GPC5: variants seen among roughly 807,000 people sequenced by gnomAD.
The protein encoded by GPC5 is glypican 5, also known as glypican-5.
A neutral mutation model predicts 53.9 loss-of-function variants in GPC5; 47 were observed. The ratio of observed to expected loss-of-function variants is 0.87; its 90% confidence interval spans 0.69 to 1.11. The LOEUF is 1.11. GPC5 is among the 50% of genes most tolerant of loss of function. The pLI is 0.00. For missense variants in GPC5, 748 were observed against 713.1 expected (o/e 1.05, Z -0.56); for synonymous variants, 286 against 263.3 (o/e 1.09, Z -0.84).
At chr13:91,881,169 CTTTATAT>C (rs2039260324) in intron 5 of GPC5, among the ~76,000 whole-genome samples, 1 of 151,970 alleles carries the variant, frequency 6.6e-6, no homozygotes, top group South Asian at 2.1e-4. Flanking sequence ...TTTATTAACA[CTTTATAT>C]TTTATTCTCT....
At chr13:91,708,557 G>C (rs1321453765) in intron 3 of GPC5, among the ~76,000 whole-genome samples, 1 of 152,130 alleles carries the variant, frequency 6.6e-6, no homozygotes, top group Non-Finnish European at 1.5e-5. Context: ...AAGGCAATAT[G>C]GGTTTTTTTG....
intron 7 of GPC5, among the ~76,000 whole-genome samples, chr13:92,190,227 C>T (rs1430073086): frequency 6.6e-6 from 1 of 152,102 alleles, no homozygotes; most frequent in African/African-American, 2.4e-5. Context: ...GAATTCTCTA[C>T]TCTATGAAAT....
intron 2 of GPC5, among the ~76,000 whole-genome samples, chr13:91,639,856 G>T (rs1475757941): frequency 6.6e-6 from 1 of 152,110 alleles, no homozygotes. Context: ...AGGCTTTATT[G>T]TCTTCATTTT....
At position 91,881,374 on chromosome 13, in the gene GPC5, A is replaced by G. The variant is rs181939565; in HGVS notation, c.1281-26563A>G. Among the ~76,000 whole-genome samples the G allele has an allele frequency of 7.2e-5, 11 of 152,178 alleles. No individual in the cohort carries two copies. The East Asian group carries it at 1.9e-3, about 27-fold the overall frequency. ...ATACTCTCTTGATATATTACCCATT[A>G]CATTAATTATTAATATACACCCAAG... On this transcript the variant is annotated intron_variant, in intron 5 of 7. Transcript: ENST00000377067.
chr13:91,869,264 T>C (rs1467142876), intron 5 of GPC5, among the ~76,000 whole-genome samples: 1 of 152,084 alleles, frequency 6.6e-6, no homozygotes, highest in African/African-American at 2.4e-5. Flanking sequence ...TTTCACCATG[T>C]TGGCCAGGCT....
chr13:92,582,011 C>T (rs952506767), intron 7 of GPC5, among the ~76,000 whole-genome samples: 1 of 152,112 alleles, frequency 6.6e-6, no homozygotes, highest in East Asian at 1.9e-4. Context: ...TGTCTCTTCA[C>T]TCTGTTGACT....
At chr13:92,152,181 G>C (rs1377979976) in intron 7 of GPC5, among the ~76,000 whole-genome samples, 1 of 152,204 alleles carries the variant, frequency 6.6e-6, no homozygotes, top group African/African-American at 2.4e-5. Flanking sequence ...GCTGGGCAAA[G>C]AGGAATGATT....
At chr13:92,369,643 T>G (rs2043634472) in intron 7 of GPC5, among the ~76,000 whole-genome samples, 1 of 152,224 alleles carries the variant, frequency 6.6e-6, no homozygotes, top group Non-Finnish European at 1.5e-5. Flanking sequence ...TATTGCTTGA[T>G]GAATGTCAAT....
intron 7 of GPC5, among the ~76,000 whole-genome samples, chr13:92,547,996 A>AT (rs35318055): frequency 0.048 from 6,582 of 136,174 alleles, 194 homozygotes; most frequent in South Asian, 0.067. Flanking sequence ...CGCCTGGCTA[A>AT]TTTTTTTTTT....
chr13:91,950,355 C>T (rs2040016118), intron 6 of GPC5, among the ~76,000 whole-genome samples: 1 of 150,506 alleles, frequency 6.6e-6, no homozygotes, highest in Non-Finnish European at 1.5e-5. Context: ...CTCCCTCCTC[C>T]TCCCTCCCAG....
At chr13:92,001,960 A>G (rs958319126) in intron 6 of GPC5, among the ~76,000 whole-genome samples, 7 of 152,248 alleles carry the variant, frequency 4.6e-5, no homozygotes, top group Non-Finnish European at 8.8e-5. Flanking sequence ...TGTGAAAGAC[A>G]TTAAATAACA....
intron 7 of GPC5, among the ~76,000 whole-genome samples, chr13:92,509,074 T>C (rs1327198560): frequency 6.6e-6 from 1 of 152,098 alleles, no homozygotes; most frequent in Admixed American, 6.6e-5. Context: ...ATATGCCAGA[T>C]AGTAACAAGC....
intron 7 of GPC5, among the ~76,000 whole-genome samples, chr13:92,833,307 T>C (rs1025329444): frequency 1.3e-5 from 2 of 152,102 alleles, no homozygotes; most frequent in Non-Finnish European, 2.9e-5. Flanking sequence ...CACAACCTCC[T>C]AAGAAGTTAA....
intron 6 of GPC5, among the ~76,000 whole-genome samples, chr13:92,099,393 T>G (rs1197090549): frequency 6.6e-6 from 1 of 152,214 alleles, no homozygotes; most frequent in East Asian, 1.9e-4. Flanking sequence ...CCTTGACATA[T>G]CACGCTCTTT....
At chr13:91,665,505 C>CTTTTTTTTTTTTTTTTTTTTTTTTT (rs371605806) in intron 2 of GPC5, among the ~76,000 whole-genome samples, 1 of 146,132 alleles carries the variant, frequency 6.8e-6, no homozygotes, top group African/African-American at 2.6e-5. Context: ...AAAAGCCAGT[C>CTTTTTTTTTTTTTTTTTTTTTTTTT]TTTTTTTTTT....
At chr13:92,160,924 G>T (rs116401120) in intron 7 of GPC5, among the ~76,000 whole-genome samples, 2,935 of 152,176 alleles carry the variant, frequency 0.019, 93 homozygotes, top group African/African-American at 0.065. Flanking sequence ...GTAGGATATG[G>T]TCAAGCGTCT....
chr13:92,313,893 A>G (rs2043161569), intron 7 of GPC5, among the ~76,000 whole-genome samples: 1 of 152,136 alleles, frequency 6.6e-6, no homozygotes, highest in Non-Finnish European at 1.5e-5. Flanking sequence ...GAGTGAAGAA[A>G]ATTGGAGATT....
intron 2 of GPC5, chr13:91,486,513 T>C (rs1440749084): frequency 6.6e-6 from 1 of 152,188 alleles, no homozygotes; most frequent in African/African-American, 2.4e-5. Context: ...TTTTTTATTG[T>C]AAGACTAACT....
chr13:91,860,734 T>G (rs2039018459), intron 5 of GPC5, among the ~76,000 whole-genome samples: 1 of 152,064 alleles, frequency 6.6e-6, no homozygotes, highest in South Asian at 2.1e-4. Context: ...ACTCCTGACC[T>G]CCAGTGATCC....
Sources: allele counts gnomAD v4.1 joint callset (sites outside exome capture counted in the v4.1 genomes callset), GRCh38; gene constraint gnomAD v4.1.1; transcripts MANE v1.5; gene names NCBI Gene and HGNC (gene_info 2026-07-23, HGNC 2026-07-21).